The following ERC2 variants were observed in gnomAD, a reference collection of about 807,000 sequenced individuals.
ERC2 encodes ERC protein 2.
ERC2 carries 42 observed loss-of-function variants against 114.8 expected under a neutral mutation model. The observed-to-expected ratio is 0.37, with a 90% CI of 0.29 to 0.47. The LOEUF is 0.47. ERC2 is among the 20% of genes least tolerant of loss of function. The pLI is 0.99. For synonymous variants in ERC2, 454 were observed against 425.5 expected, an observed-to-expected ratio of 1.07 and a Z score of -0.82; for missense variants, 939 against 1,150.7, an observed-to-expected ratio of 0.82 and a Z score of 2.66.
chr3:56,128,458 A>C (rs1042768754), intron 6 of ERC2, among the ~76,000 whole-genome samples: 4 of 152,206 alleles, frequency 2.6e-5, no homozygotes, highest in African/African-American at 9.7e-5. Context: ...ACGTACACCT[A>C]ATTTCCACAT....
At chr3:56,435,480 TC>T (rs779901212) in intron 1 of ERC2, among the ~76,000 whole-genome samples, 1 of 152,164 alleles carries the variant, frequency 6.6e-6, no homozygotes, top group Non-Finnish European at 1.5e-5. Context: ...TCTAGAAAAT[TC>T]CCCATGGAAT....
intron 13 of ERC2, among the ~76,000 whole-genome samples, chr3:55,890,300 A>T (rs1479901717): frequency 1.3e-5 from 2 of 152,164 alleles, no homozygotes; most frequent in Non-Finnish European, 2.9e-5. Context: ...CAGAATTATG[A>T]TCATTCCATA....
intron 3 of ERC2, among the ~76,000 whole-genome samples, chr3:56,250,887 A>G (rs1247525344): frequency 6.6e-6 from 1 of 152,218 alleles, no homozygotes; most frequent in East Asian, 1.9e-4. Flanking sequence ...ACCCAGTGAA[A>G]GATGGACTAA....
At chr3:56,139,797 C>T in intron 5 of ERC2, 121 bp from the exon 6 acceptor site, 1 of 1,101,798 alleles carries the variant, frequency 9.1e-7, no homozygotes, top group East Asian at 2.6e-5. Flanking sequence ...CAAGGCAGGC[C>T]ACGAATTTGC....
chr3:55,566,835 AT>A (rs2056407487), intron 17 of ERC2, among the ~76,000 whole-genome samples: 1 of 152,056 alleles, frequency 6.6e-6, no homozygotes, highest in Admixed American at 6.5e-5. Context: ...AGCAGTTAGG[AT>A]TACAGGTGTA....
intron 17 of ERC2, among the ~76,000 whole-genome samples, chr3:55,536,442 C>T (rs1194479420): frequency 6.6e-6 from 1 of 152,194 alleles, no homozygotes; most frequent in Admixed American, 6.5e-5. Flanking sequence ...CCTGCCTACT[C>T]GGTCTGCCAC....
At position 56,080,889 on chromosome 3, in the gene ERC2, C is replaced by T. The variant is rs2077196920; in HGVS notation, c.1569G>A (p.Leu523=). 2 of 1,613,766 alleles carry T rather than the reference C, an allele frequency of 1.2e-6. No homozygotes were observed. Among genetic ancestry groups the T allele is most frequent in the Non-Finnish European group, 1.7e-6 (2 of 1,179,764 alleles). The change falls in exon 7 of 18, where the codon CTG becomes CTA. Residue 523 remains leucine (L), a synonymous_variant. Coordinates refer to ENST00000288221, the MANE Select transcript of ERC2 (RefSeq NM_015576.3). ...LQDLTEEKGT[L]AGEIRDMKDM... ...CTTTCATGTCACGAATTTCACCGGC[C>T]AGTGTCCCCTTCTCTTCTGTGAGGT...
intron 12 of ERC2, among the ~76,000 whole-genome samples, chr3:55,971,261 G>A (rs2069134486): frequency 1.3e-5 from 2 of 152,058 alleles, no homozygotes; most frequent in African/African-American, 2.4e-5. Context: ...TAGAATTAGA[G>A]GGTGGTGATG....
At chr3:55,580,231 A>ATTTTTTTTT (rs71763172) in intron 17 of ERC2, among the ~76,000 whole-genome samples, 1 of 144,828 alleles carries the variant, frequency 6.9e-6, no homozygotes, top group Non-Finnish European at 1.5e-5. Flanking sequence ...TAGGAAGCAT[A>ATTTTTTTTT]TTTTTTTTTT....
rs73078481 is a variant in ERC2, at chr3:56,136,122, C to T, written c.1473+3387G>A. Among the ~76,000 whole-genome samples, 1,386 of 152,254 alleles carry T rather than the reference C, an allele frequency of 9.1e-3. 6 individuals are homozygous for T. The highest frequency in any genetic ancestry group is 0.015 in the Non-Finnish European group (1,029 of 68,016). Reference sequence around the variant, plus strand: ...CAACCAAAGAGCCAAGCCACATAGCCGCAAACCGAGACAGCTTGCCTCCTA... The same window carrying T: ...CAACCAAAGAGCCAAGCCACATAGCTGCAAACCGAGACAGCTTGCCTCCTA... On this transcript the variant is annotated intron_variant, in intron 6 of 17. Coordinates refer to ENST00000288221, the MANE Select transcript of ERC2 (RefSeq NM_015576.3).
At chr3:56,266,941 A>G (rs990021348) in intron 3 of ERC2, among the ~76,000 whole-genome samples, 9 of 152,252 alleles carry the variant, frequency 5.9e-5, no homozygotes, top group African/African-American at 2.2e-4. Flanking sequence ...CTGCAGCATT[A>G]TTCACAATAG....
intron 2 of ERC2, among the ~76,000 whole-genome samples, chr3:56,384,699 T>C (rs532212820): frequency 2.4e-4 from 36 of 152,162 alleles, no homozygotes; most frequent in Non-Finnish European, 4.7e-4. Context: ...ATTTTAAATT[T>C]TGATGTAGTT....
At chr3:56,055,690 G>T (rs1278609670) in intron 7 of ERC2, among the ~76,000 whole-genome samples, 2 of 152,184 alleles carry the variant, frequency 1.3e-5, no homozygotes, top group Non-Finnish European at 2.9e-5. Flanking sequence ...CTCTCCGGGG[G>T]CCTATCAGCC....
At chr3:55,685,684 G>A (rs973022455) in intron 16 of ERC2, among the ~76,000 whole-genome samples, 3 of 152,060 alleles carry the variant, frequency 2.0e-5, no homozygotes, top group Non-Finnish European at 4.4e-5. Flanking sequence ...GGAGGCCCTA[G>A]CTTTCATCAT....
chr3:55,823,491 C>A (rs1397402719), intron 14 of ERC2, among the ~76,000 whole-genome samples: 1 of 152,066 alleles, frequency 6.6e-6, no homozygotes, highest in African/African-American at 2.4e-5. Context: ...TTTTACCCAG[C>A]CTGAGTCATT....
intron 3 of ERC2, among the ~76,000 whole-genome samples, chr3:56,205,359 G>A (rs984118973): frequency 1.3e-5 from 2 of 152,120 alleles, no homozygotes; most frequent in East Asian, 1.9e-4. Flanking sequence ...CAAGTCCAGG[G>A]TGCACTCTTA....
intron 15 of ERC2, 26 bp from the exon 16 acceptor site, chr3:55,699,538 A>G (rs746655875): frequency 1.9e-6 from 3 of 1,580,782 alleles, no homozygotes; most frequent in Non-Finnish European, 2.6e-6. Context: ...ACCAAGGAAG[A>G]TTCCATCAGG....
At chr3:56,256,296 C>T (rs1029592765) in intron 3 of ERC2, among the ~76,000 whole-genome samples, 42 of 152,136 alleles carry the variant, frequency 2.8e-4, no homozygotes, top group Non-Finnish European at 2.9e-4. Flanking sequence ...GTGCTCATTT[C>T]CAACAGGTGA....
Position 56,204,898 on chromosome 3 carries a change from T to G in ERC2, c.1075-31378A>C, listed in dbSNP as rs561242921. ...AGCCACTTACACTCAGAAAAAAAGT[T>G]TTTTTTTTAACCATGGGACGTGTCT... On this transcript the variant is annotated intron_variant, in intron 3 of 17. Coordinates refer to ENST00000288221, the MANE Select transcript of ERC2 (RefSeq NM_015576.3). Among the ~76,000 whole-genome samples the G allele has an allele frequency of 1.4e-3, 64 of 45,258 alleles. No individual in the cohort carries two copies. In the East Asian group the frequency reaches 0.02, roughly 14 times the overall value. The allele number at this position is 45,258 out of a possible 152,430, so 29.7% of individuals were successfully genotyped here.
Sources: gnomAD v4.1 joint callset for allele counts (sites outside exome capture counted in the v4.1 genomes callset) on GRCh38, gnomAD v4.1.1 for gene constraint, MANE v1.5 for transcripts, NCBI Gene and HGNC (gene_info 2026-07-23, HGNC 2026-07-21) for gene names.